Variants in CACNA1B observed in about 807,000 individuals in gnomAD.
CACNA1B encodes the protein voltage-dependent N-type calcium channel subunit alpha-1B.
CACNA1B carries 70 observed loss-of-function variants against 247.2 expected under a neutral mutation model. The observed-to-expected ratio is 0.28, with a 90% CI of 0.23 to 0.35. CACNA1B has a LOEUF of 0.35. Among genes scored for constraint, CACNA1B ranks in the 10% least tolerant of loss-of-function variants. CACNA1B has a pLI of 1.00. For synonymous variants in CACNA1B, 1,231 were observed against 1,294.4 expected (o/e 0.95, Z 1.05); for missense variants, 2,367 against 3,197.4 (o/e 0.74, Z 6.26).
intron 3 of CACNA1B, among the ~76,000 whole-genome samples, chr9:137,902,794 G>C (rs529623910): frequency 6.6e-6 from 1 of 152,172 alleles, no homozygotes; most frequent in African/African-American, 2.4e-5. Context: ...AGGCCACCTG[G>C]TGCAGCTGTG....
At position 138,007,720 on chromosome 9, in the gene CACNA1B, G is replaced by A. The variant is rs773716142; in HGVS notation, c.2092+836G>A. Among the ~76,000 whole-genome samples the A allele has an allele frequency of 1.3e-5, 2 of 152,118 alleles. No individual in the cohort carries two copies. The highest frequency in any genetic ancestry group is 2.4e-5 in the African/African-American group (1 of 41,394). ...AGGGGGAGCCCGTGTTTCTGTTCTG[G>A]GGACCCCACTTTGAGAACTGCTGTG... On this transcript the variant is annotated intron_variant, in intron 16 of 46. Transcript: ENST00000371372. The surrounding 1 kb of genome is among the most constrained non-coding windows in gnomAD (Gnocchi z 4.1).
At chr9:137,966,279 C>T (rs1355631167) in intron 10 of CACNA1B, among the ~76,000 whole-genome samples, 3 of 149,412 alleles carry the variant, frequency 2.0e-5, no homozygotes, top group Non-Finnish European at 3.0e-5. Context: ...GGCTGGAGTG[C>T]AGTGGCGCGA....
intron 21 of CACNA1B, 69 bp from the exon 22 acceptor site, chr9:138,046,835 C>G: frequency 6.6e-7 from 1 of 1,519,382 alleles, no homozygotes; most frequent in Admixed American, 1.7e-5. Flanking sequence ...ACGGGCTGAG[C>G]CTGCCCTGTG....
intron 36 of CACNA1B, among the ~76,000 whole-genome samples, chr9:138,090,701 C>CCAAAAAAAAAAAAAAAAAAA (rs1960846497): frequency 6.0e-5 from 1 of 16,584 alleles, no homozygotes; most frequent in Non-Finnish European, 8.9e-5. Context: ...AACCCATCAG[C>CCAAAAAAAAAAAAAAAAAAA]AAAAAAAAAA....
chr9:138,120,249 C>G lies in CACNA1B; in HGVS notation c.6115C>G (p.Pro2039Ala), dbSNP rs1364733047. ...PRGTHLCSTTPDRPPPSQASS... is the reference protein window; with the variant it reads ...PRGTHLCSTTADRPPPSQASS... ...TGGGACTCATCTTTGCAGCACCACCCCGGACCGCCCACCCCCTAGCCAGGC... is the reference window on the plus strand; with the variant it reads ...TGGGACTCATCTTTGCAGCACCACCGCGGACCGCCCACCCCCTAGCCAGGC... The change falls in exon 45 of 47, where the codon CCG becomes GCG. Residue 2039 changes from proline (P) to alanine (A), a missense_variant. By Grantham distance (27) the Pro-to-Ala change is conservative. This residue lies in a region of CACNA1B where 773 missense variants were observed against 779.4 expected (regional missense o/e 0.99). Coordinates refer to ENST00000371372, the MANE Select transcript of CACNA1B (RefSeq NM_000718.4). 6.2e-7 allele frequency: 1 copy of G among 1,603,946 alleles called. No homozygotes were observed. Among genetic ancestry groups the G allele is most frequent in the South Asian group, 1.1e-5 (1 of 89,108 alleles).
intron 6 of CACNA1B, among the ~76,000 whole-genome samples, chr9:137,942,353 G>C (rs1957742552): frequency 6.6e-6 from 1 of 152,196 alleles, no homozygotes; most frequent in African/African-American, 2.4e-5. Context: ...CGGTGAACAG[G>C]GAACAGTTGT....
intron 6 of CACNA1B, among the ~76,000 whole-genome samples, chr9:137,940,893 C>T (rs146640085): frequency 2.0e-4 from 31 of 152,170 alleles, no homozygotes; most frequent in African/African-American, 5.1e-4. Flanking sequence ...TCAGCAAAAT[C>T]GGCATACACA....
At chr9:138,039,274 G>T (rs1959087115) in intron 20 of CACNA1B, among the ~76,000 whole-genome samples, 1 of 150,838 alleles carries the variant, frequency 6.6e-6, no homozygotes, top group African/African-American at 2.4e-5. Flanking sequence ...ATAGAAGATT[G>T]TAGGATTTTA....
At chr9:138,016,541 TC>T (rs1438635692) in intron 18 of CACNA1B, among the ~76,000 whole-genome samples, 1 of 152,008 alleles carries the variant, frequency 6.6e-6, no homozygotes, top group East Asian at 1.9e-4. Flanking sequence ...CAGAGTGGGG[TC>T]CAGGTGCTTG....
intron 20 of CACNA1B, among the ~76,000 whole-genome samples, chr9:138,041,795 C>A (rs1201891627): frequency 6.6e-6 from 1 of 152,128 alleles, no homozygotes; most frequent in East Asian, 1.9e-4. Context: ...CATTCTGTCA[C>A]CCAGACTGGA....
chr9:138,000,301 T>C (rs1015856970), intron 15 of CACNA1B, among the ~76,000 whole-genome samples: 7 of 152,110 alleles, frequency 4.6e-5, no homozygotes, highest in Admixed American at 6.5e-5. Flanking sequence ...GGTTTCACCG[T>C]GTTAGCCAGG....
chr9:138,097,693 C>T lies in CACNA1B; in HGVS notation c.5222+1082C>T, dbSNP rs2472237. Among the ~76,000 whole-genome samples the T allele has an allele frequency of 4.0e-3, 614 of 152,322 alleles. 4 individuals are homozygous for T. Among genetic ancestry groups the T allele is most frequent in the African/African-American group, 0.014 (571 of 41,584 alleles). ...GCCTGCCTTCTCTCTCTGAGCTCCT[C>T]AGCCTGCCCAGGCCCCCTCGCACTC... On this transcript the variant is annotated intron_variant, in intron 37 of 46. Coordinates refer to ENST00000371372, the MANE Select transcript of CACNA1B (RefSeq NM_000718.4).
rs1007359493 is a variant in CACNA1B at position 138,102,655 on chromosome 9, C to T, written c.5223-56C>T. The T allele has an allele frequency of 2.3e-5, 23 of 984,936 alleles. No homozygotes were observed. The African/African-American group carries it at 2.4e-4, about 10-fold the overall frequency. The allele number at this position is 984,936 out of a possible 1,614,324, so 61.0% of individuals were successfully genotyped here. A position where few individuals can be genotyped will look rare whatever the true frequency, so the allele number is the denominator to read the frequency against. ...CCCCTCCCCGCTCCCCTCCTGCTGC[C>T]GCTCCTCCTGTGGACCACCCCACTG... is the stretch of plus-strand genomic sequence containing the variant. On this transcript the variant is annotated intron_variant, in intron 37 of 46. Coordinates refer to ENST00000371372, the MANE Select transcript of CACNA1B (RefSeq NM_000718.4). This position sits in a 1 kb window ranked among gnomAD's most constrained non-coding sequence, Gnocchi z 5.4.
intron 12 of CACNA1B, among the ~76,000 whole-genome samples, chr9:137,978,707 G>A (rs1958258479): frequency 7.3e-6 from 1 of 137,150 alleles, no homozygotes; most frequent in East Asian, 2.4e-4. Context: ...AGACATTTGT[G>A]TCTGTGATTT....
At chr9:138,076,821 C>T (rs1237825357) in intron 35 of CACNA1B, among the ~76,000 whole-genome samples, 1 of 152,238 alleles carries the variant, frequency 6.6e-6, no homozygotes, top group Non-Finnish European at 1.5e-5. Flanking sequence ...ACCCTGCCTG[C>T]AGATGCGCGC....
At chr9:138,022,012 G>A (rs1162037570) in intron 18 of CACNA1B, among the ~76,000 whole-genome samples, 1 of 152,234 alleles carries the variant, frequency 6.6e-6, no homozygotes, top group Non-Finnish European at 1.5e-5. Context: ...TCAGCAGAAG[G>A]CCCAGAATGC....
At chr9:137,966,785 G>T (rs139151435) in intron 10 of CACNA1B, among the ~76,000 whole-genome samples, 1 of 152,030 alleles carries the variant, frequency 6.6e-6, no homozygotes, top group African/African-American at 2.4e-5. Flanking sequence ...TGATCCGCCC[G>T]CCTTGGCCTC....
rs1472222206 is a variant in CACNA1B, at chr9:138,058,559, C to T, written c.4309-10C>T. On this transcript the variant is annotated splice_polypyrimidine_tract_variant and intron_variant, in intron 28 of 46. Transcript: ENST00000371372. The surrounding 1 kb of genome is among the most constrained non-coding windows in gnomAD (Gnocchi z 4.7). ...CTTCTGAGTCTCTGTGCTCCTTTCT[C>T]CCCTTACAGAGGGCTTGCATTGACT... is the stretch of plus-strand genomic sequence containing the variant. 1.2e-6 allele frequency: 2 copies of T among 1,605,500 alleles called. No homozygotes were observed. The highest frequency in any genetic ancestry group is 1.7e-6 in the Non-Finnish European group (2 of 1,176,954).
chr9:137,889,318 G>A (rs1289580579), intron 3 of CACNA1B, among the ~76,000 whole-genome samples: 31 of 150,322 alleles, frequency 2.1e-4, no homozygotes, highest in African/African-American at 7.0e-4. Flanking sequence ...GGTCGGGCTG[G>A]GGTTTGCCAG....
Sources: gnomAD v4.1 joint callset for allele counts (sites outside exome capture counted in the v4.1 genomes callset) on GRCh38, gnomAD v4.1.1 for gene constraint, gnomAD v4.1.1 regional missense constraint, Gnocchi (gnomAD v3.1) non-coding constraint, MANE v1.5 for transcripts, NCBI Gene and HGNC (gene_info 2026-07-23, HGNC 2026-07-21) for gene names.